The following TENM4 variants were observed in gnomAD, a reference collection of about 807,000 sequenced individuals.
The protein encoded by TENM4 is teneurin-4.
In TENM4, 82 loss-of-function variants were observed where a neutral mutation model predicts 243.3. That is an observed-to-expected ratio of 0.34 (90% CI 0.28 to 0.40). The LOEUF (loss-of-function observed/expected upper bound fraction) is 0.40. Among genes scored for constraint, TENM4 ranks in the 10% least tolerant of loss-of-function variants. The pLI is 1.00. For missense variants in TENM4, 3,138 were observed against 3,673.3 expected, an observed-to-expected ratio of 0.85 and a Z score of 3.77; for synonymous variants, 1,412 against 1,456.3, an observed-to-expected ratio of 0.97 and a Z score of 0.69.
At chr11:78,663,094 G>A (rs935911639) in intron 32 of TENM4, among the ~76,000 whole-genome samples, 1 of 152,210 alleles carries the variant, frequency 6.6e-6, no homozygotes, top group African/African-American at 2.4e-5. Context: ...AGATGGCAGG[G>A]GGAGGTGAAC....
chr11:79,258,196 T>C (rs990802744), intron 2 of TENM4, among the ~76,000 whole-genome samples: 2 of 152,228 alleles, frequency 1.3e-5, no homozygotes, highest in African/African-American at 4.8e-5. Context: ...GTTACGATGA[T>C]GAGACCTTGG....
rs937454222 is a variant in TENM4 at position 79,013,823 on chromosome 11, C to T, written c.493+50915G>A. On this transcript the variant is annotated intron_variant, in intron 6 of 33. Coordinates refer to ENST00000278550, the MANE Select transcript of TENM4 (RefSeq NM_001098816.3). ...TGGGCACCCTCCAAAGGCTCTTCAACTGCATCCCAGCCAGAGCCCAGGCCC... is the reference window on the plus strand; with the variant it reads ...TGGGCACCCTCCAAAGGCTCTTCAATTGCATCCCAGCCAGAGCCCAGGCCC... Among the ~76,000 whole-genome samples the T allele has an allele frequency of 4.6e-5, 7 of 152,330 alleles. No homozygotes were observed. In the South Asian group the frequency reaches 1.5e-3, roughly 32 times the overall value.
At chr11:79,293,533 GA>G (rs1297455486) in intron 2 of TENM4, among the ~76,000 whole-genome samples, 16 of 143,094 alleles carry the variant, frequency 1.1e-4, no homozygotes, top group East Asian at 8.1e-4. Context: ...AAAAAAAAAA[GA>G]AAAAAAAGTG....
chr11:78,976,503 T>C (rs569041451), intron 6 of TENM4, among the ~76,000 whole-genome samples: 1 of 152,364 alleles, frequency 6.6e-6, no homozygotes, highest in South Asian at 2.1e-4. Flanking sequence ...GTAAATGCCC[T>C]GATTCGAAAC....
rs1403487183 is a variant in TENM4 at position 79,420,544 on chromosome 11, T to G, written c.-321+19965A>C. On this transcript the variant is annotated intron_variant, in intron 1 of 33. Transcript: ENST00000278550. ...AAACTCATATTAGAAGTTTGGGAAC[T>G]CTTATGTGCTATTTATGCCTCTCTT... Among the ~76,000 whole-genome samples the G allele has an allele frequency of 7.2e-5, 11 of 152,336 alleles. No individual in the cohort carries two copies. The East Asian group carries it at 1.9e-3, about 27-fold the overall frequency.
chr11:79,006,450 G>T (rs574104875), intron 6 of TENM4, among the ~76,000 whole-genome samples: 2 of 152,298 alleles, frequency 1.3e-5, no homozygotes, highest in Non-Finnish European at 2.9e-5. Context: ...TACAGGGCAG[G>T]CTCATTTACT....
chr11:79,290,932 C>T (rs1461047718), intron 2 of TENM4, among the ~76,000 whole-genome samples: 1 of 152,110 alleles, frequency 6.6e-6, no homozygotes, highest in Non-Finnish European at 1.5e-5. Flanking sequence ...TTTGTAAAGG[C>T]ACAGCTGAGT....
At chr11:79,003,982 A>T in intron 6 of TENM4, among the ~76,000 whole-genome samples, 1 of 140,926 alleles carries the variant, frequency 7.1e-6, no homozygotes, top group African/African-American at 2.8e-5. Flanking sequence ...AGGGGTTGCT[A>T]TTCTAATTTC....
intron 6 of TENM4, among the ~76,000 whole-genome samples, chr11:79,002,105 C>A (rs939013758): frequency 1.3e-5 from 2 of 152,178 alleles, no homozygotes; most frequent in Non-Finnish European, 2.9e-5. Context: ...CCCACCCCCC[C>A]ACTGATACAT....
At position 78,995,212 on chromosome 11, in the gene TENM4, C is replaced by T. The variant is rs573373837; in HGVS notation, c.493+69526G>A. On this transcript the variant is annotated intron_variant, in intron 6 of 33. Coordinates refer to ENST00000278550, the MANE Select transcript of TENM4 (RefSeq NM_001098816.3). ...GATAATCAAAAGCACAGAGACACACCGTACCGGCTGAAAACTGTAAGCATC... is the reference window on the plus strand; with the variant it reads ...GATAATCAAAAGCACAGAGACACACTGTACCGGCTGAAAACTGTAAGCATC... 2.9e-4 allele frequency among the ~76,000 whole-genome samples: 44 copies of T among 152,208 alleles called. No homozygotes were observed. The South Asian group carries it at 7.7e-3, about 27-fold the overall frequency.
chr11:79,309,774 A>G (rs1418997007), intron 1 of TENM4, among the ~76,000 whole-genome samples: 3 of 152,176 alleles, frequency 2.0e-5, no homozygotes, highest in Admixed American at 6.5e-5. Context: ...ACTTCCCAAG[A>G]TTCATTAGAT....
chr11:79,118,112 A>T (rs996175907), intron 4 of TENM4, among the ~76,000 whole-genome samples: 3 of 152,216 alleles, frequency 2.0e-5, no homozygotes, highest in Non-Finnish European at 4.4e-5. Flanking sequence ...ATCCATTTTT[A>T]AAAATGATAA....
intron 1 of TENM4, among the ~76,000 whole-genome samples, chr11:79,361,235 T>A (rs1857583439): frequency 1.3e-5 from 2 of 152,212 alleles, no homozygotes; most frequent in African/African-American, 4.8e-5. Context: ...ATCTCTGGTG[T>A]CTTTAGCTGG....
At position 78,756,996 on chromosome 11, in the gene TENM4, A is replaced by G. The variant is rs757666704; in HGVS notation, c.2565T>C (p.Pro855=). Residue 855 remains proline (P), a synonymous_variant, in exon 19 of 34, where the codon CCT becomes CCC. Coordinates refer to ENST00000278550, the MANE Select transcript of TENM4 (RefSeq NM_001098816.3). ...DGDGLVDCMD[P]DCCLQPLCHI... ...GGCACAGGGGCTGGAGGCAGCAGTC[A>G]GGGTCCATGCAGTCCACCAGGCCAT... 8 of 1,613,852 alleles carry G rather than the reference A, an allele frequency of 5.0e-6. No individual in the cohort carries two copies. The highest frequency in any genetic ancestry group is 6.8e-6 in the Non-Finnish European group (8 of 1,179,880).
intron 1 of TENM4, among the ~76,000 whole-genome samples, chr11:79,427,286 G>A (rs1859073071): frequency 1.3e-5 from 2 of 152,196 alleles, no homozygotes; most frequent in Admixed American, 6.5e-5. Context: ...AAAGAAATTG[G>A]ACTGAAGAAA....
At chr11:79,247,802 A>G (rs1202973033) in intron 2 of TENM4, among the ~76,000 whole-genome samples, 1 of 152,234 alleles carries the variant, frequency 6.6e-6, no homozygotes, top group Non-Finnish European at 1.5e-5. Flanking sequence ...AAACCAAAAG[A>G]CAACTCAGTT....
intron 4 of TENM4, among the ~76,000 whole-genome samples, chr11:79,129,188 G>T (rs990386631): frequency 1.3e-5 from 2 of 152,088 alleles, no homozygotes; most frequent in African/African-American, 2.4e-5. Flanking sequence ...AAATACAGGG[G>T]TAGAGGAAGC....
At chr11:79,324,117 A>G (rs1278513271) in intron 1 of TENM4, among the ~76,000 whole-genome samples, 2 of 152,200 alleles carry the variant, frequency 1.3e-5, no homozygotes, top group Non-Finnish European at 2.9e-5. Context: ...TAGATTATTT[A>G]TAATGCCTAA....
intron 24 of TENM4, among the ~76,000 whole-genome samples, chr11:78,721,980 C>T (rs903767497): frequency 1.7e-4 from 26 of 152,246 alleles, no homozygotes; most frequent in African/African-American, 5.5e-4. Flanking sequence ...GAGCTCTAAG[C>T]GTGGCTGTGC....
Sources: gnomAD v4.1 joint callset for allele counts (sites outside exome capture counted in the v4.1 genomes callset) on GRCh38, gnomAD v4.1.1 for gene constraint, MANE v1.5 for transcripts, NCBI Gene and HGNC (gene_info 2026-07-23, HGNC 2026-07-21) for gene names.